NINJ2: variants seen among roughly 807,000 people sequenced by gnomAD.
The protein encoded by NINJ2 is ninjurin-2.
A neutral mutation model predicts 11.7 loss-of-function variants in NINJ2; 12 were observed. The ratio of observed to expected loss-of-function variants is 1.02; its 90% CI spans 0.66 to 1.66. The LOEUF (loss-of-function observed/expected upper bound fraction) is 1.66, where lower values mean the gene tolerates loss of function less well. Among genes scored for constraint, NINJ2 ranks in the 40% most tolerant of loss-of-function variants. NINJ2 has a pLI of 0.00. For synonymous variants in NINJ2, 93 were observed against 76.8 expected, an observed-to-expected ratio of 1.21 and a Z score of -1.10; for missense variants, 187 against 181.8, an observed-to-expected ratio of 1.03 and a Z score of -0.16.
At chr12:623,556 C>A (rs1459365286) in intron 1 of NINJ2, among the ~76,000 whole-genome samples, 1 of 152,244 alleles carries the variant, frequency 6.6e-6, no homozygotes, top group South Asian at 2.1e-4. Flanking sequence ...TACCAACTTG[C>A]GTCCAAATCC....
rs760703170 is a variant in NINJ2, at chr12:614,173, G to C, written c.34-47995C>G. Among the ~76,000 whole-genome samples, 1 of 152,192 alleles carries C rather than the reference G, an allele frequency of 6.6e-6. No individual in the cohort carries two copies. The highest frequency in any genetic ancestry group is 1.5e-5 in the Non-Finnish European group (1 of 68,032). On this transcript the variant is annotated intron_variant, in intron 1 of 3. Transcript: ENST00000305108. This position sits in a 1 kb window ranked among gnomAD's most constrained non-coding sequence, Gnocchi z 5.1. The stretch of plus-strand genomic sequence containing the variant: ...CCTCCTAAAGAAGACCATCCTTAGC[G>C]ATGGTTGCTGCCTTGACTTTCCAGC...
intron 1 of NINJ2, among the ~76,000 whole-genome samples, chr12:577,936 C>T (rs924803114): frequency 1.7e-4 from 26 of 152,038 alleles, no homozygotes; most frequent in African/African-American, 5.8e-4. Context: ...CCATCCCTCA[C>T]ATTGTCTTAT....
rs544784318 is a variant in NINJ2 at position 566,148 on chromosome 12, T to C, written c.64A>G (p.Ile22Val). The change falls in exon 2 of 4, where the codon ATC (isoleucine) becomes GTC (valine). Residue 22 changes from isoleucine to valine, a missense_variant. Transcript: ENST00000305108. Reference protein sequence around the residue: ...PGSSDPRSQPINLNHYATKKS... With the variant: ...PGSSDPRSQPVNLNHYATKKS... ...TTGGTGGCGTAATGGTTCAGGTTGA[T>C]GGGCTGGCTCCTGGGGTCGGAGCTT... The C allele has an allele frequency of 1.9e-6, 3 of 1,613,948 alleles. No homozygotes were observed. Among genetic ancestry groups the C allele is most frequent in the Admixed American group, 3.3e-5 (2 of 60,010 alleles).
chr12:624,875 G>A (rs993769157), intron 1 of NINJ2, among the ~76,000 whole-genome samples: 66 of 148,970 alleles, frequency 4.4e-4, no homozygotes, highest in African/African-American at 1.3e-3. Context: ...TTGGGAGGCC[G>A]AGGTGGGTGG....
At chr12:653,357 A>C (rs937187001) in intron 1 of NINJ2, among the ~76,000 whole-genome samples, 1 of 152,170 alleles carries the variant, frequency 6.6e-6, no homozygotes, top group Non-Finnish European at 1.5e-5. Context: ...AAAATGAACA[A>C]ATCAAAATAT....
At chr12:656,344 C>G (rs1466851777) in intron 1 of NINJ2, among the ~76,000 whole-genome samples, 1 of 151,022 alleles carries the variant, frequency 6.6e-6, no homozygotes, top group Non-Finnish European at 1.5e-5. Context: ...AGCCTGGAGA[C>G]AGAGTGAGAC....
chr12:635,677 G>T (rs560979446), intron 1 of NINJ2, among the ~76,000 whole-genome samples: 2 of 152,172 alleles, frequency 1.3e-5, no homozygotes, highest in African/African-American at 4.8e-5. Context: ...ACTTCACAAT[G>T]ATTTCTAGAA....
At chr12:631,254 C>T (rs1386977026) in intron 1 of NINJ2, among the ~76,000 whole-genome samples, 1 of 152,230 alleles carries the variant, frequency 6.6e-6, no homozygotes, top group East Asian at 1.9e-4. Flanking sequence ...ATCCTCCCGC[C>T]TCTGCTGGGC....
chr12:594,885 G>C (rs1195797187), intron 1 of NINJ2, among the ~76,000 whole-genome samples: 1 of 151,916 alleles, frequency 6.6e-6, no homozygotes, highest in Non-Finnish European at 1.5e-5. Flanking sequence ...AATATTAAAG[G>C]AAAAAAATAA....
chr12:628,444 A>G lies in NINJ2; in HGVS notation c.33+34884T>C, dbSNP rs1249169134. On this transcript the variant is annotated intron_variant, in intron 1 of 3. Transcript: ENST00000305108. This position sits in a 1 kb window ranked among gnomAD's most constrained non-coding sequence, Gnocchi z 4.4. ...GGACACTCTTCCTGGCTTTTCTGGTACAGAGTGACCAACATAACAGTTAAT... is the reference window on the plus strand; with the variant it reads ...GGACACTCTTCCTGGCTTTTCTGGTGCAGAGTGACCAACATAACAGTTAAT... Among the ~76,000 whole-genome samples, 2 of 152,204 alleles carry G rather than the reference A, an allele frequency of 1.3e-5. No individual in the cohort carries two copies. The highest frequency in any genetic ancestry group is 2.9e-5 in the Non-Finnish European group (2 of 68,028).
chr12:594,457 T>G (rs1275264083), intron 1 of NINJ2, among the ~76,000 whole-genome samples: 2 of 152,010 alleles, frequency 1.3e-5, no homozygotes, highest in East Asian at 3.9e-4. Flanking sequence ...AATTACAAGA[T>G]CTATGTGAGG....
At chr12:646,684 A>G (rs1423506003) in intron 1 of NINJ2, among the ~76,000 whole-genome samples, 1 of 152,192 alleles carries the variant, frequency 6.6e-6, no homozygotes, top group Non-Finnish European at 1.5e-5. Flanking sequence ...ACTGCAGCTG[A>G]AGAGGAAAGG....
Position 614,388 on chromosome 12 carries a change from G to GCAGAACAA in NINJ2, c.34-48218_34-48211dup, listed in dbSNP as rs1030931308. Among the ~76,000 whole-genome samples, 1 of 152,154 alleles carries GCAGAACAA rather than the reference G, an allele frequency of 6.6e-6. No individual in the cohort carries two copies. The highest frequency in any genetic ancestry group is 2.4e-5 in the African/African-American group (1 of 41,418). ...CATAAGTCTGGGTCGTTGGGTGGTGGCAGAACAAAATGTTTGGAGATGGAA... is the reference window on the plus strand; with the variant it reads ...CATAAGTCTGGGTCGTTGGGTGGTGGCAGAACAACAGAACAAAATGTTTGGAGATGGAA... On this transcript the variant is annotated intron_variant, in intron 1 of 3. Coordinates refer to ENST00000305108, the MANE Select transcript of NINJ2 (RefSeq NM_016533.6). This position sits in a 1 kb window ranked among gnomAD's most constrained non-coding sequence, Gnocchi z 5.1.
intron 1 of NINJ2, chr12:590,647 A>G (rs1440924227): frequency 1.3e-5 from 2 of 152,346 alleles, no homozygotes; most frequent in African/African-American, 4.8e-5. Flanking sequence ...TGTCAAGGGC[A>G]TAGTCCTTTG....
intron 1 of NINJ2, among the ~76,000 whole-genome samples, chr12:604,731 G>C (rs1041493727): frequency 6.6e-6 from 1 of 152,168 alleles, no homozygotes; most frequent in Non-Finnish European, 1.5e-5. Context: ...CTGGGTGTGG[G>C]GACACAAGTG....
In NINJ2 at chr12:565,202, T is replaced by A; in HGVS notation, c.*18+15A>T. 1.3e-6 allele frequency: 2 copies of A among 1,591,960 alleles called. No individual in the cohort carries two copies. Among genetic ancestry groups the A allele is most frequent in the African/African-American group, 1.3e-5 (1 of 74,574 alleles). On this transcript the variant is annotated intron_variant, in intron 3 of 3. Coordinates refer to ENST00000305108, the MANE Select transcript of NINJ2 (RefSeq NM_016533.6). ...GGGGAGTCCCTGGAGCTGGGGTTCCTCCATCCTCCCTCACCTGGGTCCCAG... is the reference window on the plus strand; with the variant it reads ...GGGGAGTCCCTGGAGCTGGGGTTCCACCATCCTCCCTCACCTGGGTCCCAG...
intron 1 of NINJ2, among the ~76,000 whole-genome samples, chr12:615,613 C>T (rs567825800): frequency 6.6e-6 from 1 of 152,126 alleles, no homozygotes; most frequent in African/African-American, 2.4e-5. Flanking sequence ...CTCTGCTCAC[C>T]CTTCAAAGCC....
chr12:576,540 G>A (rs1448844427), intron 1 of NINJ2, among the ~76,000 whole-genome samples: 1 of 152,236 alleles, frequency 6.6e-6, no homozygotes, highest in Non-Finnish European at 1.5e-5. Context: ...TGTCGCCCAG[G>A]CTGCGGGGTG....
intron 1 of NINJ2, among the ~76,000 whole-genome samples, chr12:648,984 A>ATCTATCTGTCTGTCTG (rs540403462): frequency 6.1e-5 from 2 of 32,938 alleles, no homozygotes; most frequent in Non-Finnish European, 9.4e-5. Flanking sequence ...CCACCTATCT[A>ATCTATCTGTCTGTCTG]TCTATCTATC....
Sources: gnomAD v4.1 joint callset for allele counts (sites outside exome capture counted in the v4.1 genomes callset) on GRCh38, gnomAD v4.1.1 for gene constraint, Gnocchi (gnomAD v3.1) non-coding constraint, MANE v1.5 for transcripts, NCBI Gene and HGNC (gene_info 2026-07-23, HGNC 2026-07-21) for gene names.